Variants in NPHS2 observed in about 807,000 individuals in gnomAD.
The protein encoded by NPHS2 is podocin.
A neutral mutation model predicts 37.1 loss-of-function variants in NPHS2; 36 were observed. That is an observed-to-expected ratio of 0.97 (90% CI 0.74 to 1.28). NPHS2 has a LOEUF of 1.28. NPHS2 is among the 50% of genes most tolerant of loss of function. The pLI, the probability that NPHS2 is intolerant of heterozygous loss-of-function variation, is 0.00. For synonymous variants in NPHS2, 196 were observed against 189.3 expected (o/e 1.04, Z -0.29); for missense variants, 447 against 488.1 (o/e 0.92, Z 0.79).
At chr1:179,561,453 T>G (rs890512697) in intron 2 of NPHS2, 92 bp from the exon 3 acceptor site, 7 of 1,035,046 alleles carry the variant, frequency 6.8e-6, no homozygotes, top group Non-Finnish European at 1.0e-5. Flanking sequence ...TATCAGAAAT[T>G]TTTTGTTTTG....
chr1:179,554,150 G>A lies in NPHS2; in HGVS notation c.794+326C>T, dbSNP rs145737066. ...GCTGGTCTCAAACTCCTGACCTCAAGCGATCCACCCACCTTGGCATCCCAG... is the reference window on the plus strand; with the variant it reads ...GCTGGTCTCAAACTCCTGACCTCAAACGATCCACCCACCTTGGCATCCCAG... On this transcript the variant is annotated intron_variant, in intron 6 of 7. Coordinates refer to ENST00000367615, the MANE Select transcript of NPHS2 (RefSeq NM_014625.4). Among the ~76,000 whole-genome samples the A allele has an allele frequency of 9.7e-3, 1,482 of 152,210 alleles. 38 individuals are homozygous for A. The highest frequency in any genetic ancestry group is 0.034 in the African/African-American group (1,424 of 41,538).
chr1:179,560,235 T>C (rs755489797), intron 3 of NPHS2, among the ~76,000 whole-genome samples: 2 of 152,174 alleles, frequency 1.3e-5, no homozygotes, highest in Non-Finnish European at 2.9e-5. Context: ...GTAATCAGAA[T>C]AGCAATTATC....
chr1:179,554,767 A>G, intron 5 of NPHS2: 5 of 595,608 alleles, frequency 8.4e-6, no homozygotes, highest in South Asian at 8.2e-5. Context: ...ATGGTCCCCA[A>G]AGATATCCCA....
In NPHS2 at chr1:179,575,704, G is replaced by A. The variant is rs1400380943; in HGVS notation, c.161C>T (p.Pro54Leu). The A allele has an allele frequency of 2.5e-6, 4 of 1,572,426 alleles. No homozygotes were observed. Among genetic ancestry groups the A allele is most frequent in the Non-Finnish European group, 3.4e-6 (4 of 1,164,904 alleles). Residue 54 changes from proline (P) to leucine (L), a missense_variant, in exon 1 of 8, where the codon CCG (proline) becomes CTG (leucine). By Grantham distance (98) the Pro-to-Leu change is moderately conservative (BLOSUM62 -3). Coordinates refer to ENST00000367615, the MANE Select transcript of NPHS2 (RefSeq NM_014625.4). ...EPSGSGRAGT[P>L]GEPRAPAATV... ...GGCGGCGGGCGCTCGGGGCTCCCCC[G>A]GGGTCCCCGCCCGTCCGGAGCCCGA... is the stretch of plus-strand genomic sequence containing the variant.
At chr1:179,559,057 A>T (rs1337542835) in intron 4 of NPHS2, among the ~76,000 whole-genome samples, 6 of 152,182 alleles carry the variant, frequency 3.9e-5, no homozygotes, top group Non-Finnish European at 1.5e-5. Context: ...ATACTGATTT[A>T]AAGAATTGGC....
chr1:179,572,746 TCTTCCTTCCTTCTTTC>T (rs1178236539), intron 1 of NPHS2, among the ~76,000 whole-genome samples: 1 of 151,908 alleles, frequency 6.6e-6, no homozygotes, highest in African/African-American at 2.4e-5. Flanking sequence ...TTCCTTCCTT[TCTTCCTTCCTTCTTTC>T]CTTCCTTCCT....
chr1:179,572,969 G>A (rs1336936678), intron 1 of NPHS2, among the ~76,000 whole-genome samples: 1 of 152,000 alleles, frequency 6.6e-6, no homozygotes, highest in African/African-American at 2.4e-5. Flanking sequence ...CAAGTAGCTG[G>A]GACTACAGGT....
intron 5 of NPHS2, among the ~76,000 whole-genome samples, chr1:179,555,959 C>T (rs1018459617): frequency 6.6e-6 from 1 of 152,150 alleles, no homozygotes; most frequent in Admixed American, 6.5e-5. Context: ...CCCCAACTTG[C>T]AATGGTTTGA....
Position 179,557,087 on chromosome 1 carries a change from T to A in NPHS2, c.678A>T (p.Leu226=), listed in dbSNP as rs1673959157. 1 of 1,613,978 alleles carries A rather than the reference T, an allele frequency of 6.2e-7. No individual in the cohort carries two copies. The highest frequency in any genetic ancestry group is 1.3e-5 in the African/African-American group (1 of 74,952). The change falls in exon 5 of 8, where the codon CTA becomes CTT. Residue 226 remains leucine (L), a synonymous_variant. Coordinates refer to ENST00000367615, the MANE Select transcript of NPHS2 (RefSeq NM_014625.4). ...FLVQTTMKRL[L]AHRSLTEILL... Reference sequence around the variant, plus strand: ...GAATTTCAGTGAGGGATCGATGTGCTAGGAGACGCTTCATAGTGGTTTGCA... The same window carrying A: ...GAATTTCAGTGAGGGATCGATGTGCAAGGAGACGCTTCATAGTGGTTTGCA...
chr1:179,567,568 T>TTGCCTGATTGCCCCAG (rs1387403582), intron 1 of NPHS2, among the ~76,000 whole-genome samples: 2 of 152,206 alleles, frequency 1.3e-5, no homozygotes, highest in African/African-American at 4.8e-5. Context: ...TTCTTTCTGT[T>TTGCCTGATTGCCCCAG]GCCTGATTGC....
intron 5 of NPHS2, among the ~76,000 whole-genome samples, chr1:179,554,896 ATTATAGG>A (rs1003720947): frequency 3.3e-5 from 5 of 152,186 alleles, no homozygotes; most frequent in Non-Finnish European, 7.3e-5. Context: ...CCTAAATGTA[ATTATAGG>A]TGTCCTTATA....
chr1:179,574,953 C>G (rs987654815), intron 1 of NPHS2, among the ~76,000 whole-genome samples: 2 of 152,164 alleles, frequency 1.3e-5, no homozygotes, highest in African/African-American at 4.8e-5. Flanking sequence ...AGACTTTGTG[C>G]AAAGTGCTTT....
intron 6 of NPHS2, among the ~76,000 whole-genome samples, chr1:179,553,581 A>G (rs1015349684): frequency 6.6e-6 from 1 of 152,218 alleles, no homozygotes; most frequent in Admixed American, 6.5e-5. Flanking sequence ...AAACTAAATT[A>G]GTGGTTGCCA....
intron 1 of NPHS2, among the ~76,000 whole-genome samples, chr1:179,573,562 A>G (rs1674644920): frequency 6.6e-6 from 1 of 152,222 alleles, no homozygotes; most frequent in Admixed American, 6.5e-5. Context: ...TTTCTCATGG[A>G]ACCTACTCTG....
At chr1:179,560,610 C>T (rs541538097) in intron 3 of NPHS2, among the ~76,000 whole-genome samples, 1 of 152,168 alleles carries the variant, frequency 6.6e-6, no homozygotes, top group South Asian at 2.1e-4. Context: ...GTGGGCGTGT[C>T]CTGGAACTCA....
chr1:179,561,241 T>C, intron 3 of NPHS2, 48 bp downstream of exon 3: 7 of 1,330,276 alleles, frequency 5.3e-6, no homozygotes, highest in Non-Finnish European at 7.6e-6. Flanking sequence ...TTGAAGAAAT[T>C]GGCAAGTCAG....
chr1:179,561,054 C>A (rs1417970364), intron 3 of NPHS2, among the ~76,000 whole-genome samples: 1 of 152,234 alleles, frequency 6.6e-6, no homozygotes, highest in East Asian at 1.9e-4. Context: ...TTCCAGCAAG[C>A]CTTGCCCTGG....
chr1:179,569,237 G>A (rs1359978695), intron 1 of NPHS2, among the ~76,000 whole-genome samples: 1 of 151,994 alleles, frequency 6.6e-6, no homozygotes, highest in Admixed American at 6.6e-5. Flanking sequence ...GGGTGCTCCT[G>A]TATTGGGTGC....
intron 4 of NPHS2, among the ~76,000 whole-genome samples, chr1:179,559,359 A>G (rs867483832): frequency 1.3e-5 from 2 of 152,230 alleles, no homozygotes; most frequent in African/African-American, 2.4e-5. Flanking sequence ...AGGCTGACAC[A>G]TAAGGTTAAC....
Sources: allele counts gnomAD v4.1 joint callset (sites outside exome capture counted in the v4.1 genomes callset), GRCh38; gene constraint gnomAD v4.1.1; transcripts MANE v1.5; gene names NCBI Gene and HGNC (gene_info 2026-07-23, HGNC 2026-07-21).